The following TRERF1 variants were observed in gnomAD, a reference collection of about 807,000 sequenced individuals.
TRERF1 encodes transcriptional regulating factor 1, also known as transcriptional-regulating factor 1.
TRERF1 carries 27 observed loss-of-function variants against 122.9 expected under a neutral mutation model. That is an observed-to-expected ratio of 0.22 (90% CI 0.16 to 0.30). The LOEUF (loss-of-function observed/expected upper bound fraction) is 0.30, where lower values mean the gene tolerates loss of function less well. TRERF1 is among the 10% of genes least tolerant of loss of function. The pLI, the probability that TRERF1 is intolerant of heterozygous loss-of-function variation, is 1.00. For synonymous variants in TRERF1, 636 were observed against 641.7 expected (o/e 0.99, Z 0.13); for missense variants, 1,248 against 1,560.3 (o/e 0.80, Z 3.37).
At chr6:42,233,665 C>T (rs1303251187) in intron 16 of TRERF1, among the ~76,000 whole-genome samples, 1 of 152,136 alleles carries the variant, frequency 6.6e-6, no homozygotes, top group Admixed American at 6.5e-5. Context: ...CTCCCTCCTT[C>T]CTTTTTAGGA....
intron 3 of TRERF1, among the ~76,000 whole-genome samples, chr6:42,314,056 T>G (rs987384308): frequency 6.6e-6 from 1 of 152,090 alleles, no homozygotes; most frequent in Admixed American, 6.5e-5. Flanking sequence ...GGTTTTTTTT[T>G]TGTGCTTATC....
Position 42,263,706 on chromosome 6 carries a change from A to C in TRERF1, c.1636-138T>G. On this transcript the variant is annotated intron_variant, in intron 7 of 17. Coordinates refer to ENST00000372922, the Ensembl canonical transcript of TRERF1. This position sits in a 1 kb window ranked among gnomAD's most constrained non-coding sequence, Gnocchi z 5.6. The stretch of plus-strand genomic sequence containing the variant: ...GCTGCAGGGCGATTTCCTTCCTGCA[A>C]TCCTGAGTCCCTTGGCTGGAGTGAT... 1.7e-6 allele frequency: 2 copies of C among 1,209,478 alleles called. No homozygotes were observed. The highest frequency in any genetic ancestry group is 1.1e-6 in the Non-Finnish European group (1 of 938,450). The allele number at this position is 1,209,478 out of a possible 1,614,324, so 74.9% of individuals were successfully genotyped here. A position where few individuals can be genotyped will look rare whatever the true frequency, so the allele number is the denominator to read the frequency against.
intron 2 of TRERF1, among the ~76,000 whole-genome samples, chr6:42,401,598 C>A (rs531028556): frequency 6.4e-4 from 98 of 152,262 alleles, no homozygotes; most frequent in Non-Finnish European, 1.1e-3. Context: ...CTCCATGAGA[C>A]CCCCAGGCCC....
chr6:42,440,920 G>A (rs1786394767), intron 2 of TRERF1, among the ~76,000 whole-genome samples: 1 of 152,072 alleles, frequency 6.6e-6, no homozygotes. Flanking sequence ...TAGCCCTGCT[G>A]CCCCCTCCTC....
At chr6:42,349,276 CT>C (rs796785748) in intron 3 of TRERF1, among the ~76,000 whole-genome samples, 77 of 147,080 alleles carry the variant, frequency 5.2e-4, no homozygotes, top group Non-Finnish European at 6.8e-4. Context: ...AGGAAGCTGT[CT>C]TTTTTTTTTT....
At chr6:42,446,651 C>T (rs1787572016) in intron 2 of TRERF1, among the ~76,000 whole-genome samples, 1 of 152,156 alleles carries the variant, frequency 6.6e-6, no homozygotes, top group African/African-American at 2.4e-5. Context: ...AGTAAGTCCT[C>T]AATAAGAAGC....
At chr6:42,430,421 CT>C (rs1461393008) in intron 2 of TRERF1, among the ~76,000 whole-genome samples, 2 of 152,122 alleles carry the variant, frequency 1.3e-5, no homozygotes, top group Non-Finnish European at 2.9e-5. Context: ...TCTTTTTTCT[CT>C]TAAGAGCTGC....
intron 3 of TRERF1, among the ~76,000 whole-genome samples, chr6:42,301,786 G>A (rs1183617912): frequency 6.6e-6 from 1 of 152,244 alleles, no homozygotes; most frequent in Non-Finnish European, 1.5e-5. Context: ...CAGCTGAGTA[G>A]CAGCATTGCT....
intron 4 of TRERF1, among the ~76,000 whole-genome samples, chr6:42,287,355 G>T (rs1315675233): frequency 6.6e-6 from 1 of 151,962 alleles, no homozygotes; most frequent in Non-Finnish European, 1.5e-5. Flanking sequence ...AAGTGTCTGG[G>T]ATTAAATCCT....
chr6:42,237,313 G>A (rs1772479390), intron 15 of TRERF1, among the ~76,000 whole-genome samples: 1 of 152,114 alleles, frequency 6.6e-6, no homozygotes, highest in African/African-American at 2.4e-5. Flanking sequence ...GAAGGGCAAC[G>A]ATCCAGGAGG....
intron 3 of TRERF1, among the ~76,000 whole-genome samples, chr6:42,312,285 T>C (rs1490424340): frequency 6.6e-6 from 1 of 152,140 alleles, no homozygotes; most frequent in Non-Finnish European, 1.5e-5. Context: ...GGGCAGCAGA[T>C]AGATGAGCCC....
At chr6:42,317,838 A>C (rs1340368214) in intron 3 of TRERF1, among the ~76,000 whole-genome samples, 2 of 152,136 alleles carry the variant, frequency 1.3e-5, no homozygotes, top group Non-Finnish European at 2.9e-5. Context: ...CCTGCTTATA[A>C]AATAAGCATT....
intron 3 of TRERF1, among the ~76,000 whole-genome samples, chr6:42,360,978 T>A (rs1771647946): frequency 6.6e-6 from 1 of 152,008 alleles, no homozygotes; most frequent in Non-Finnish European, 1.5e-5. Flanking sequence ...CCTGAAAGAA[T>A]CCAAACTGAT....
Position 42,393,916 on chromosome 6 carries a change from GAAA to G in TRERF1, c.-453-30840_-453-30838del, listed in dbSNP as rs61581284. ...CAAACTCTCCAATGTATATATGCAG[GAAA>G]AAAAAAAAAAAAAAGACTGGGATGT... On this transcript the variant is annotated intron_variant, in intron 2 of 17. Coordinates refer to ENST00000372922, the Ensembl canonical transcript of TRERF1. The surrounding 1 kb of genome is among the most constrained non-coding windows in gnomAD (Gnocchi z 4.1). Among the ~76,000 whole-genome samples, 4 of 118,984 alleles carry G rather than the reference GAAA, an allele frequency of 3.4e-5. No homozygotes were observed. Among genetic ancestry groups the G allele is most frequent in the Admixed American group, 8.8e-5 (1 of 11,304 alleles). 78.1% of individuals were successfully genotyped at this position (118,984 alleles called of 152,430 possible). A position where few individuals can be genotyped will look rare whatever the true frequency, so the allele number is the denominator to read the frequency against.
At chr6:42,274,625 G>A (rs1422065334) in intron 4 of TRERF1, among the ~76,000 whole-genome samples, 1 of 152,064 alleles carries the variant, frequency 6.6e-6, no homozygotes, top group Non-Finnish European at 1.5e-5. Flanking sequence ...GTTGCAGTGA[G>A]CCGAGATCAA....
chr6:42,231,667 C>CGAA (rs1207700895), intron 17 of TRERF1, among the ~76,000 whole-genome samples: 1 of 152,210 alleles, frequency 6.6e-6, no homozygotes, highest in East Asian at 1.9e-4. Flanking sequence ...AGTACCCTTC[C>CGAA]AGTCAGGTGG....
chr6:42,337,745 G>C (rs927656143), intron 3 of TRERF1, among the ~76,000 whole-genome samples: 1 of 152,200 alleles, frequency 6.6e-6, no homozygotes, highest in African/African-American at 2.4e-5. Flanking sequence ...CAAAGGCATG[G>C]AGGTGGGAAA....
At chr6:42,335,254 G>A (rs1225223023) in intron 3 of TRERF1, among the ~76,000 whole-genome samples, 2 of 152,208 alleles carry the variant, frequency 1.3e-5, no homozygotes, top group African/African-American at 4.8e-5. Flanking sequence ...GGGATAGCAT[G>A]AGGTATTCCT....
chr6:42,427,736 G>T (rs1783852794), intron 2 of TRERF1, among the ~76,000 whole-genome samples: 3 of 151,474 alleles, frequency 2.0e-5, no homozygotes, highest in Non-Finnish European at 4.4e-5. Context: ...TTTTTGTAGA[G>T]ACAAGGTCTT....
Sources: gnomAD v4.1 joint callset for allele counts (sites outside exome capture counted in the v4.1 genomes callset) on GRCh38, gnomAD v4.1.1 for gene constraint, Gnocchi (gnomAD v3.1) non-coding constraint, MANE v1.5 for transcripts, NCBI Gene and HGNC (gene_info 2026-07-23, HGNC 2026-07-21) for gene names.